The following TRHDE variants were observed in gnomAD, a reference collection of about 807,000 sequenced individuals.
The protein encoded by TRHDE is thyrotropin releasing hormone degrading enzyme.
TRHDE carries 72 observed loss-of-function variants against 125.7 expected under a neutral mutation model. That is an observed-to-expected ratio of 0.57 (90% CI 0.47 to 0.70). The LOEUF is 0.70. Ranked by LOEUF, TRHDE falls within the 30% of genes least tolerant of loss-of-function variation. The pLI, the probability that TRHDE is intolerant of heterozygous loss-of-function variation, is 0.00. For missense variants in TRHDE, 1,110 were observed against 1,327.1 expected, an observed-to-expected ratio of 0.84 and a Z score of 2.54; for synonymous variants, 509 against 509.1, an observed-to-expected ratio of 1.00 and a Z score of 0.00.
At chr12:72,602,081 C>T (rs1308789397) in intron 12 of TRHDE, among the ~76,000 whole-genome samples, 1 of 152,154 alleles carries the variant, frequency 6.6e-6, no homozygotes, top group Non-Finnish European at 1.5e-5. Context: ...GGCCCCCACA[C>T]ATCCTTCTGA....
intron 12 of TRHDE, among the ~76,000 whole-genome samples, chr12:72,608,571 T>A (rs1355322430): frequency 6.6e-6 from 1 of 152,160 alleles, no homozygotes; most frequent in Non-Finnish European, 1.5e-5. Context: ...ATCCAGGGAA[T>A]GGGATCAGTG....
intron 7 of TRHDE, among the ~76,000 whole-genome samples, chr12:72,545,269 G>A (rs1869359946): frequency 6.6e-6 from 1 of 151,308 alleles, no homozygotes. Context: ...CAAAATGATA[G>A]CAGGCATATT....
chr12:72,254,172 C>T (rs1878752841), intron 2 of TRHDE: 1 of 152,026 alleles, frequency 6.6e-6, no homozygotes, highest in South Asian at 2.1e-4. Context: ...CATAATAATA[C>T]TTCTTCAACT....
chr12:72,380,801 T>TCCTC (rs1216307010), intron 3 of TRHDE, among the ~76,000 whole-genome samples: 1 of 131,862 alleles, frequency 7.6e-6, no homozygotes, highest in African/African-American at 3.2e-5. Flanking sequence ...CTTCCTTCCT[T>TCCTC]CCTTCCTTCC....
intron 3 of TRHDE, among the ~76,000 whole-genome samples, chr12:72,438,377 A>G (rs1375695456): frequency 6.6e-6 from 1 of 151,832 alleles, no homozygotes; most frequent in Non-Finnish European, 1.5e-5. Context: ...TGGCTGTACT[A>G]ATTTACATTC....
intron 3 of TRHDE, among the ~76,000 whole-genome samples, chr12:72,406,881 T>C (rs1479757567): frequency 6.6e-6 from 1 of 152,210 alleles, no homozygotes; most frequent in East Asian, 1.9e-4. Flanking sequence ...AATTTGTTTT[T>C]CATTATGACA....
chr12:72,511,473 T>C (rs1483839207), intron 6 of TRHDE, among the ~76,000 whole-genome samples: 3 of 152,312 alleles, frequency 2.0e-5, no homozygotes, highest in Admixed American at 6.5e-5. Flanking sequence ...ATTTTTGTTA[T>C]TCCTTTTCTT....
chr12:72,416,587 T>C (rs1319072834), intron 3 of TRHDE, among the ~76,000 whole-genome samples: 1 of 152,176 alleles, frequency 6.6e-6, no homozygotes, highest in Non-Finnish European at 1.5e-5. Context: ...AGTTTCATTC[T>C]TCTGCATATG....
At chr12:72,556,050 C>A (rs1467104269) in intron 7 of TRHDE, among the ~76,000 whole-genome samples, 2 of 152,160 alleles carry the variant, frequency 1.3e-5, no homozygotes, top group Non-Finnish European at 2.9e-5. Flanking sequence ...CTCCAACATT[C>A]TTGTCTGCTT....
At position 72,112,413 on chromosome 12, in the gene TRHDE, T is replaced by C. The variant is rs192102225; in HGVS notation, n.279+6661T>C. 1.3e-4 allele frequency among the ~76,000 whole-genome samples: 20 copies of C among 152,304 alleles called. No homozygotes were observed. In the East Asian group the frequency reaches 3.7e-3, roughly 28 times the overall value. Reference sequence around the variant, plus strand: ...TTTCATCTGAAAAGAAATAAAATCATTTAATTGCTTTAAAATATGTGTACA... The same window carrying C: ...TTTCATCTGAAAAGAAATAAAATCACTTAATTGCTTTAAAATATGTGTACA... On this transcript the variant is annotated intron_variant and non_coding_transcript_variant, in intron 2 of 4. Coordinates refer to the TRHDE transcript ENST00000548156.
intron 3 of TRHDE, among the ~76,000 whole-genome samples, chr12:72,424,998 T>C (rs1874123796): frequency 6.6e-6 from 1 of 152,160 alleles, no homozygotes; most frequent in Admixed American, 6.6e-5. Context: ...AACCATTTTA[T>C]AGTCACTTTT....
At chr12:72,515,013 A>G (rs1166723577) in intron 6 of TRHDE, among the ~76,000 whole-genome samples, 1 of 147,180 alleles carries the variant, frequency 6.8e-6, no homozygotes, top group Non-Finnish European at 1.5e-5. Context: ...TATATGTGCC[A>G]CATTTTCTTA....
intron 2 of TRHDE, among the ~76,000 whole-genome samples, chr12:72,350,003 C>G (rs954839135): frequency 5.3e-5 from 8 of 151,844 alleles, no homozygotes; most frequent in African/African-American, 1.7e-4. Flanking sequence ...TCCTTTTCTT[C>G]GATTGATAAA....
intron 2 of TRHDE, among the ~76,000 whole-genome samples, chr12:72,358,139 G>A (rs1370583170): frequency 6.6e-6 from 1 of 151,530 alleles, no homozygotes; most frequent in Non-Finnish European, 1.5e-5. Flanking sequence ...CAACATGAAT[G>A]GTTTAAAATT....
intron 5 of TRHDE, among the ~76,000 whole-genome samples, chr12:72,497,708 C>T (rs1463650788): frequency 6.6e-6 from 1 of 151,942 alleles, no homozygotes; most frequent in East Asian, 1.9e-4. Context: ...ATAACAAGGT[C>T]GTATATGTGC....
At chr12:72,092,817 C>A (rs985213320) in intron 1 of TRHDE, among the ~76,000 whole-genome samples, 7 of 152,184 alleles carry the variant, frequency 4.6e-5, no homozygotes, top group African/African-American at 1.7e-4. Flanking sequence ...AAATACTCTA[C>A]AGTTAATGAT....
At position 72,272,933 on chromosome 12, in the gene TRHDE, T is replaced by C; in HGVS notation, c.290T>C (p.Leu97Pro). The C allele has an allele frequency of 6.3e-7, 1 of 1,578,062 alleles. No individual in the cohort carries two copies. Residue 97 changes from leucine (L) to proline (P), a missense_variant, in exon 1 of 19, where the codon CTC becomes CCC. Transcript: ENST00000261180. This position sits in a 1 kb window ranked among gnomAD's most constrained non-coding sequence, Gnocchi z 6.7. ...LAFAVSLVALLAVTMLAVLLS... is the reference protein window; with the variant it reads ...LAFAVSLVALPAVTMLAVLLS... Reference sequence around the variant, plus strand: ...TTCGCTGTGTCCCTCGTGGCATTGCTCGCGGTCACAATGCTCGCTGTGCTG... The same window carrying C: ...TTCGCTGTGTCCCTCGTGGCATTGCCCGCGGTCACAATGCTCGCTGTGCTG...
chr12:72,358,604 A>G (rs1487820106), intron 2 of TRHDE, among the ~76,000 whole-genome samples: 4 of 151,504 alleles, frequency 2.6e-5, no homozygotes, highest in Non-Finnish European at 5.9e-5. Context: ...TAACCCGCAC[A>G]TTGTTCAAGG....
Position 72,286,752 on chromosome 12 carries a change from A to G in TRHDE, c.986A>G (p.Tyr329Cys). 1.2e-6 allele frequency: 2 copies of G among 1,613,940 alleles called. No homozygotes were observed. The highest frequency in any genetic ancestry group is 8.5e-7 in the Non-Finnish European group (1 of 1,179,958). ...TTTCCTTGTTTTGATGAGCCAATCTACAAGGCTACTTTCAAAATCAGCATC... is the reference window on the plus strand; with the variant it reads ...TTTCCTTGTTTTGATGAGCCAATCTGCAAGGCTACTTTCAAAATCAGCATC... ...KAFPCFDEPIYKATFKISIKH... is the reference protein window; with the variant it reads ...KAFPCFDEPICKATFKISIKH... The change falls in exon 2 of 19, where the codon TAC (tyrosine) becomes TGC (cysteine). Residue 329 changes from tyrosine to cysteine, a missense_variant. By Grantham distance (194) the Tyr-to-Cys change is radical (BLOSUM62 -2). Transcript: ENST00000261180.
Sources: gnomAD v4.1 joint callset for allele counts (sites outside exome capture counted in the v4.1 genomes callset) on GRCh38, gnomAD v4.1.1 for gene constraint, Gnocchi (gnomAD v3.1) non-coding constraint, MANE v1.5 for transcripts, NCBI Gene and HGNC (gene_info 2026-07-23, HGNC 2026-07-21) for gene names.